Variants in DPP10 observed in about 807,000 individuals in gnomAD.
DPP10 encodes the protein dipeptidyl peptidase like 10.
In DPP10, 33 loss-of-function variants were observed where a neutral mutation model predicts 120.9. The ratio of observed to expected loss-of-function variants is 0.27; its 90% confidence interval spans 0.21 to 0.37. DPP10 has a LOEUF of 0.37. Ranked by LOEUF, DPP10 falls within the 10% of genes least tolerant of loss-of-function variation. DPP10 has a pLI of 1.00. For missense variants in DPP10, 816 were observed against 942.8 expected (o/e 0.87, Z 1.76); for synonymous variants, 337 against 326.1 (o/e 1.03, Z -0.36).
intron 1 of DPP10, among the ~76,000 whole-genome samples, chr2:115,147,786 C>T (rs756956967): frequency 6.6e-6 from 1 of 152,062 alleles, no homozygotes; most frequent in African/African-American, 2.4e-5. Flanking sequence ...GGATGCATGG[C>T]TTCTTTGAGG....
intron 5 of DPP10, among the ~76,000 whole-genome samples, chr2:115,582,169 T>G (rs964986975): frequency 1.3e-5 from 2 of 152,138 alleles, no homozygotes; most frequent in Non-Finnish European, 2.9e-5. Flanking sequence ...GGTTTGGGTT[T>G]CTTCTCCCCT....
rs187323836 is a variant in DPP10, at chr2:115,544,392, A to G, written c.441+18420A>G. On this transcript the variant is annotated intron_variant, in intron 5 of 25. Transcript: ENST00000410059. ...CTGCAAGTCTTTTCATGCCGAGATC[A>G]ATTTTCCCATTTAGTCCATATTAAT... 8.5e-4 allele frequency among the ~76,000 whole-genome samples: 130 copies of G among 152,202 alleles called. No individual in the cohort carries two copies. In the Middle Eastern group the frequency reaches 0.014, roughly 16 times the overall value.
chr2:115,252,912 C>A lies in DPP10; in HGVS notation c.61-56327C>A, dbSNP rs150021878. Among the ~76,000 whole-genome samples, 276 of 152,318 alleles carry A rather than the reference C, an allele frequency of 1.8e-3. No homozygotes were observed. In the Middle Eastern group the frequency reaches 0.02, roughly 11 times the overall value. ...AAGATTTTTATTTTGACCCATAGTT[C>A]CAGCTTTCTTTTCGTTTTGACAGTT... On this transcript the variant is annotated intron_variant, in intron 1 of 25. Transcript: ENST00000410059.
At chr2:115,137,620 GA>G (rs1225201466) in intron 1 of DPP10, among the ~76,000 whole-genome samples, 1 of 152,212 alleles carries the variant, frequency 6.6e-6, no homozygotes, top group Non-Finnish European at 1.5e-5. Context: ...CTCTAGTTAA[GA>G]AGAGATTAAT....
chr2:115,164,244 A>C (rs1000552063), intron 1 of DPP10, among the ~76,000 whole-genome samples: 1 of 152,096 alleles, frequency 6.6e-6, no homozygotes, highest in African/African-American at 2.4e-5. Context: ...TTTTGTTCAA[A>C]GCTTGACATA....
intron 1 of DPP10, among the ~76,000 whole-genome samples, chr2:114,827,578 G>T (rs1686670841): frequency 6.6e-6 from 1 of 152,006 alleles, no homozygotes; most frequent in South Asian, 2.1e-4. Flanking sequence ...TATTCTCTTT[G>T]AGCCACTTTT....
chr2:115,411,869 G>A (rs1213552373), intron 3 of DPP10, among the ~76,000 whole-genome samples: 1 of 152,168 alleles, frequency 6.6e-6, no homozygotes, highest in Non-Finnish European at 1.5e-5. Context: ...TGTGGGGGTG[G>A]ATGGTTTTGG....
chr2:115,568,032 G>T (rs2081108820), intron 5 of DPP10, among the ~76,000 whole-genome samples: 1 of 152,188 alleles, frequency 6.6e-6, no homozygotes, highest in Admixed American at 6.5e-5. Flanking sequence ...AAAAAAATTA[G>T]CCAGGCATAG....
chr2:115,050,377 G>A (rs1160264984), intron 1 of DPP10, among the ~76,000 whole-genome samples: 1 of 152,052 alleles, frequency 6.6e-6, no homozygotes, highest in Non-Finnish European at 1.5e-5. Flanking sequence ...AATTGTTTTA[G>A]CCCACCTGGT....
At chr2:114,638,043 GA>G (rs1695425630) in intron 1 of DPP10, among the ~76,000 whole-genome samples, 1 of 151,814 alleles carries the variant, frequency 6.6e-6, no homozygotes. Flanking sequence ...AGTTTGATAG[GA>G]ATAATGTTAA....
intron 1 of DPP10, chr2:115,234,705 CTTG>C (rs1276255985): frequency 1.3e-5 from 2 of 152,122 alleles, no homozygotes; most frequent in South Asian, 2.1e-4. Flanking sequence ...AACATACATG[CTTG>C]TTGTTTAAAA....
chr2:115,761,590 G>T (rs1335814111), intron 11 of DPP10, among the ~76,000 whole-genome samples: 3 of 151,930 alleles, frequency 2.0e-5, no homozygotes, highest in Non-Finnish European at 4.4e-5. Context: ...TTATTTCTGT[G>T]CTTTACAGAT....
chr2:114,940,883 T>C (rs1212102939), intron 1 of DPP10, among the ~76,000 whole-genome samples: 1 of 152,192 alleles, frequency 6.6e-6, no homozygotes, highest in Non-Finnish European at 1.5e-5. Flanking sequence ...AAAGCTGTAA[T>C]TTTTTCTTGA....
intron 1 of DPP10, among the ~76,000 whole-genome samples, chr2:114,574,144 G>A (rs577198955): frequency 6.6e-6 from 1 of 152,190 alleles, no homozygotes; most frequent in African/African-American, 2.4e-5. Flanking sequence ...AGTGGTGTCA[G>A]TGAGAAGGGG....
intron 5 of DPP10, among the ~76,000 whole-genome samples, chr2:115,589,079 C>T (rs1415223010): frequency 1.3e-5 from 2 of 152,102 alleles, no homozygotes; most frequent in Admixed American, 6.6e-5. Flanking sequence ...GACCAGTGTT[C>T]GTTTTATGCC....
intron 4 of DPP10, among the ~76,000 whole-genome samples, chr2:115,500,483 C>T (rs1004795361): frequency 1.3e-5 from 2 of 151,572 alleles, no homozygotes; most frequent in African/African-American, 2.4e-5. Context: ...GTTTAATCTT[C>T]GTATTTATTA....
At chr2:115,159,246 C>A (rs1031647711) in intron 1 of DPP10, among the ~76,000 whole-genome samples, 150 of 152,208 alleles carry the variant, frequency 9.9e-4, no homozygotes, top group African/African-American at 3.5e-3. Context: ...ATAACTAGGT[C>A]AGGAGATCGA....
At chr2:115,522,706 G>A (rs1310069720) in intron 4 of DPP10, among the ~76,000 whole-genome samples, 1 of 152,110 alleles carries the variant, frequency 6.6e-6, no homozygotes, top group Non-Finnish European at 1.5e-5. Context: ...AAACTGGACA[G>A]GCAGGCATCA....
chr2:115,533,812 T>G (rs1234239200), intron 5 of DPP10, among the ~76,000 whole-genome samples: 1 of 152,080 alleles, frequency 6.6e-6, no homozygotes, highest in Non-Finnish European at 1.5e-5. Flanking sequence ...CATAGAATAC[T>G]CACCTTTCCT....
Sources: allele counts gnomAD v4.1 joint callset (sites outside exome capture counted in the v4.1 genomes callset), GRCh38; gene constraint gnomAD v4.1.1; transcripts MANE v1.5; gene names NCBI Gene and HGNC (gene_info 2026-07-23, HGNC 2026-07-21).